The following DLG2 variants were observed in gnomAD, a reference collection of about 807,000 sequenced individuals.
The protein encoded by DLG2 is discs large MAGUK scaffold protein 2, also known as disks large homolog 2.
A neutral mutation model predicts 132.5 loss-of-function variants in DLG2; 45 were observed. The ratio of observed to expected loss-of-function variants is 0.34; its 90% confidence interval spans 0.27 to 0.44. The LOEUF is 0.44. DLG2 is among the 20% of genes least tolerant of loss of function. The pLI is 1.00. For missense variants in DLG2, 1,045 were observed against 1,196.9 expected (o/e 0.87, Z 1.87); for synonymous variants, 424 against 419.6 (o/e 1.01, Z -0.13).
At chr11:84,025,247 G>A (rs550976462) in intron 11 of DLG2, among the ~76,000 whole-genome samples, 19 of 152,234 alleles carry the variant, frequency 1.2e-4, no homozygotes, top group South Asian at 8.3e-4. Context: ...GGAAGGCAAG[G>A]AGGAGCAAGT....
chr11:85,357,384 G>T (rs998018928), intron 3 of DLG2, among the ~76,000 whole-genome samples: 4 of 149,526 alleles, frequency 2.7e-5, no homozygotes, highest in African/African-American at 9.9e-5. Flanking sequence ...AGTAGAGAAG[G>T]GTTTTCACCG....
intron 6 of DLG2, among the ~76,000 whole-genome samples, chr11:85,044,270 C>T (rs543984563): frequency 7.2e-5 from 11 of 152,052 alleles, no homozygotes; most frequent in African/African-American, 1.2e-4. Context: ...ATCATAATTG[C>T]CTATTAACTT....
chr11:85,452,185 T>G (rs757899995), intron 3 of DLG2: 1 of 152,084 alleles, frequency 6.6e-6, no homozygotes, highest in Non-Finnish European at 1.5e-5. Flanking sequence ...ATAGAATGTG[T>G]GGAAAATGGG....
intron 3 of DLG2, among the ~76,000 whole-genome samples, chr11:85,517,009 T>C (rs575771119): frequency 2.0e-4 from 31 of 151,542 alleles, no homozygotes; most frequent in African/African-American, 5.6e-4. Context: ...CTGATGAAAA[T>C]AGATATAAAA....
intron 3 of DLG2, among the ~76,000 whole-genome samples, chr11:85,439,543 T>C (rs1402099193): frequency 6.6e-6 from 1 of 151,972 alleles, no homozygotes; most frequent in Non-Finnish European, 1.5e-5. Context: ...GTATTTTTAG[T>C]AGAGACGGGG....
intron 7 of DLG2, among the ~76,000 whole-genome samples, chr11:84,417,106 T>A (rs2098932347): frequency 6.6e-6 from 1 of 152,148 alleles, no homozygotes. Flanking sequence ...AGCAACATAG[T>A]GTCCAGCACA....
intron 18 of DLG2, among the ~76,000 whole-genome samples, chr11:83,785,913 G>A (rs1352070629): frequency 6.6e-6 from 1 of 152,168 alleles, no homozygotes; most frequent in African/African-American, 2.4e-5. Context: ...GAAGACAGTA[G>A]CCATTTTCCT....
intron 26 of DLG2, among the ~76,000 whole-genome samples, chr11:83,464,617 C>T (rs1171488846): frequency 6.6e-6 from 1 of 152,188 alleles, no homozygotes; most frequent in Non-Finnish European, 1.5e-5. Context: ...ATTTAACTTT[C>T]CTTGGTGATA....
intron 6 of DLG2, among the ~76,000 whole-genome samples, chr11:84,826,064 T>A (rs2078293539): frequency 6.6e-6 from 1 of 151,862 alleles, no homozygotes; most frequent in Non-Finnish European, 1.5e-5. Flanking sequence ...AATTTTTAAT[T>A]TTTCTGGGTA....
chr11:83,462,229 C>G (rs950009889), intron 26 of DLG2, 136 bp from the exon 27 acceptor site: 1 of 602,242 alleles, frequency 1.7e-6, no homozygotes, highest in Non-Finnish European at 3.0e-6. Context: ...TCATTCAGGA[C>G]TCCTCTGTGC....
chr11:84,320,254 C>T (rs2098396724), intron 7 of DLG2, among the ~76,000 whole-genome samples: 2 of 152,024 alleles, frequency 1.3e-5, no homozygotes, highest in African/African-American at 4.8e-5. Context: ...TCAAAGCAAG[C>T]GTTTAAGACT....
chr11:85,222,116 T>TTTTGTTTG (rs760445905), intron 4 of DLG2, among the ~76,000 whole-genome samples: 9 of 152,012 alleles, frequency 5.9e-5, no homozygotes, highest in Admixed American at 3.9e-4. Flanking sequence ...CATTTCGGTT[T>TTTTGTTTG]TTTGTTTGTT....
At chr11:84,929,679 G>A (rs1250910271) in intron 6 of DLG2, among the ~76,000 whole-genome samples, 5 of 152,204 alleles carry the variant, frequency 3.3e-5, no homozygotes, top group South Asian at 4.1e-4. Context: ...GAGAAATTGC[G>A]TTATTGAAAA....
intron 3 of DLG2, among the ~76,000 whole-genome samples, chr11:85,557,280 C>A (rs914292080): frequency 6.6e-6 from 1 of 151,756 alleles, no homozygotes; most frequent in Non-Finnish European, 1.5e-5. Context: ...AGGAAAACTA[C>A]AAAACACTGC....
At position 83,474,766 on chromosome 11, in the gene DLG2, G is replaced by A. The variant is rs149292198; in HGVS notation, c.2294-1989C>T. On this transcript the variant is annotated intron_variant, in intron 22 of 27. Transcript: ENST00000376104. ...TTCTATTTTGTGTTTCTGTCAATAT[G>A]GTCATTTAACTTTGGAAAGCATCGT... 9.4e-4 allele frequency among the ~76,000 whole-genome samples: 143 copies of A among 152,144 alleles called. 2 individuals are homozygous for A. Among genetic ancestry groups the A allele is most frequent in the South Asian group, 8.9e-3 (43 of 4,816 alleles).
intron 10 of DLG2, among the ~76,000 whole-genome samples, chr11:84,076,100 C>T (rs751948074): frequency 6.6e-6 from 1 of 152,154 alleles, no homozygotes; most frequent in Non-Finnish European, 1.5e-5. Context: ...CCTTTTGAAA[C>T]ACAAAGAAAC....
chr11:84,236,887 C>G (rs1006890484), intron 8 of DLG2, among the ~76,000 whole-genome samples: 9 of 151,504 alleles, frequency 5.9e-5, no homozygotes, highest in African/African-American at 1.9e-4. Context: ...ACCCATTAAA[C>G]AGGAATCTTT....
intron 6 of DLG2, among the ~76,000 whole-genome samples, chr11:85,062,775 T>A (rs764747895): frequency 6.6e-6 from 1 of 151,930 alleles, no homozygotes; most frequent in African/African-American, 2.4e-5. Context: ...GCATTTTGCA[T>A]GTATCTGCTT....
intron 6 of DLG2, among the ~76,000 whole-genome samples, chr11:84,991,560 A>G (rs924331686): frequency 1.3e-5 from 2 of 151,764 alleles, no homozygotes; most frequent in African/African-American, 4.8e-5. Context: ...AAATAAAGAA[A>G]AGGAGGAGGA....
Sources: allele counts gnomAD v4.1 joint callset (sites outside exome capture counted in the v4.1 genomes callset), GRCh38; gene constraint gnomAD v4.1.1; transcripts MANE v1.5; gene names NCBI Gene and HGNC (gene_info 2026-07-23, HGNC 2026-07-21).